Variants in EDEM3 observed in about 807,000 individuals in gnomAD.
EDEM3 encodes ER degradation-enhancing alpha-mannosidase-like protein 3.
A neutral mutation model predicts 110.2 loss-of-function variants in EDEM3; 60 were observed. That is an observed-to-expected ratio of 0.54 (90% CI 0.44 to 0.67). The LOEUF (loss-of-function observed/expected upper bound fraction) is 0.67. Ranked by LOEUF, EDEM3 falls within the 30% of genes least tolerant of loss-of-function variation. The pLI, the probability that EDEM3 is intolerant of heterozygous loss-of-function variation, is 0.00. For synonymous variants in EDEM3, 352 were observed against 382.9 expected, an observed-to-expected ratio of 0.92 and a Z score of 0.94; for missense variants, 996 against 1,121.0, an observed-to-expected ratio of 0.89 and a Z score of 1.59.
chr1:184,742,028 C>G (rs1289827525), intron 2 of EDEM3, among the ~76,000 whole-genome samples: 1 of 152,030 alleles, frequency 6.6e-6, no homozygotes, highest in African/African-American at 2.4e-5. Flanking sequence ...AAAAAAACTC[C>G]CAATTCCATG....
chr1:184,736,216 T>C lies in EDEM3; in HGVS notation c.345+809A>G, dbSNP rs143062351. 2.9e-3 allele frequency among the ~76,000 whole-genome samples: 435 copies of C among 152,184 alleles called. 5 individuals carry two copies. The East Asian group carries it at 0.036, about 12-fold the overall frequency. ...TTTTTTTAAATCACAAGTGAACCTC[T>C]TAAGCTGCTTTTAGAGTTGAGAATT... On this transcript the variant is annotated intron_variant, in intron 4 of 19. Transcript: ENST00000318130.
chr1:184,704,005 G>A (rs1649773839), intron 18 of EDEM3, among the ~76,000 whole-genome samples: 2 of 152,192 alleles, frequency 1.3e-5, no homozygotes, highest in South Asian at 4.1e-4. Flanking sequence ...GAAAAGTTCA[G>A]AAGGACCCAG....
In EDEM3 at chr1:184,735,130, T is replaced by C. The variant is rs1028784370; in HGVS notation, c.346-487A>G. On this transcript the variant is annotated intron_variant, in intron 4 of 19. Coordinates refer to ENST00000318130, the MANE Select transcript of EDEM3 (RefSeq NM_025191.4). ...CCTGTTCACTAAGGAGGCTATACAA[T>C]GTTGTGGTCATACAATGTTGTGGTC... 3.7e-4 allele frequency among the ~76,000 whole-genome samples: 56 copies of C among 152,188 alleles called. 2 individuals are homozygous for C. The highest frequency in any genetic ancestry group is 1.5e-5 in the Non-Finnish European group (1 of 68,028).
chr1:184,728,319 G>A (rs951332799), intron 6 of EDEM3, among the ~76,000 whole-genome samples: 20 of 152,210 alleles, frequency 1.3e-4, no homozygotes, highest in African/African-American at 4.6e-4. Context: ...GAGTAGTTGA[G>A]AGCTAAGAAT....
chr1:184,724,733 T>C (rs1236999724), intron 7 of EDEM3, among the ~76,000 whole-genome samples: 1 of 152,186 alleles, frequency 6.6e-6, no homozygotes. Flanking sequence ...ATAATTTTAA[T>C]TAAATGGCAG....
rs1326242728 is a variant in EDEM3, at chr1:184,754,547, T to G, written c.100A>C (p.Thr34Pro). 4.3e-6 allele frequency: 7 copies of G among 1,612,452 alleles called. No individual in the cohort carries two copies. Among genetic ancestry groups the G allele is most frequent in the Non-Finnish European group, 5.9e-6 (7 of 1,179,758 alleles). Residue 34 changes from threonine to proline, a missense_variant, in exon 1 of 20, where the codon ACC (threonine) becomes CCC (proline). Around this residue, in one of 5 missense-constraint regions of EDEM3, gnomAD observed 200 missense variants for 183.8 expected, o/e 1.09. Coordinates refer to ENST00000318130, the MANE Select transcript of EDEM3 (RefSeq NM_025191.4). The part of the protein sequence containing the change: ...ATAAFCLVSA[T>P]SVWTAGAEPM... ...TCGGCCCCCGCCGTCCACACGGAGG[T>G]GGCCGACACCAGGCAGAACGCGGCC... is the stretch of plus-strand genomic sequence containing the variant.
In EDEM3 at chr1:184,694,231, A is replaced by G. The variant is rs757577561; in HGVS notation, c.2631T>C (p.Asn877=). ...PTENHETTNL[N]GECTDLDNQL... ...GGTTATCTAAATCTGTACATTCACC[A>G]TTAAGATTTGTAGTCTCATGGTTTT... Residue 877 remains asparagine (N), a synonymous_variant, in exon 20 of 20, where the codon AAT becomes AAC. Coordinates refer to ENST00000318130, the MANE Select transcript of EDEM3 (RefSeq NM_025191.4). 25 of 1,613,290 alleles carry G rather than the reference A, an allele frequency of 1.5e-5. 2 individuals carry two copies. Among genetic ancestry groups the G allele is most frequent in the South Asian group, 5.5e-5 (5 of 91,062 alleles).
intron 7 of EDEM3, among the ~76,000 whole-genome samples, 169 bp from the exon 8 acceptor site, chr1:184,724,025 G>A (rs1004674077): frequency 3.3e-5 from 5 of 151,878 alleles, no homozygotes; most frequent in Non-Finnish European, 7.4e-5. Context: ...AAAACTCAAA[G>A]CTTGGCTCTT....
chr1:184,726,265 G>A lies in EDEM3; in HGVS notation c.737C>T (p.Thr246Ile), dbSNP rs772134316. 2.6e-5 allele frequency: 42 copies of A among 1,613,350 alleles called. No homozygotes were observed. In the East Asian group the frequency reaches 7.8e-4, roughly 30 times the overall value. ...CCGTAAAAAGCAAACCTCAAATATTGTTGCTCCTGTGAATCGACTTAAAGC... is the reference window on the plus strand; with the variant it reads ...CCGTAAAAAGCAAACCTCAAATATTATTGCTCCTGTGAATCGACTTAAAGC... ...FAALSRFTGA[T>I]IFEEYARKAL... Residue 246 changes from threonine (T) to isoleucine (I), a missense_variant, in exon 7 of 20, where the codon ACA becomes ATA. Coordinates refer to ENST00000318130, the MANE Select transcript of EDEM3 (RefSeq NM_025191.4).
chr1:184,727,619 C>A (rs1447805538), intron 6 of EDEM3, among the ~76,000 whole-genome samples: 2 of 152,062 alleles, frequency 1.3e-5, no homozygotes, highest in African/African-American at 4.8e-5. Context: ...CCCTCAACAA[C>A]AACAAAAAAA....
In EDEM3 at chr1:184,742,204, G is replaced by A. The variant is rs187787463; in HGVS notation, c.205-4493C>T. Among the ~76,000 whole-genome samples the A allele has an allele frequency of 6.2e-3, 946 of 152,236 alleles. 11 individuals carry two copies. The highest frequency in any genetic ancestry group is 0.027 in the Middle Eastern group (8 of 294). ...GAAATAACTTTCAAAGCAGGTTAAA[G>A]AATACTTTGCATTGAAGATGGCAAC... On this transcript the variant is annotated intron_variant, in intron 2 of 19. Coordinates refer to ENST00000318130, the MANE Select transcript of EDEM3 (RefSeq NM_025191.4).
intron 11 of EDEM3, 26 bp downstream of exon 11, chr1:184,719,136 G>T: frequency 7.1e-7 from 1 of 1,400,994 alleles, no homozygotes. Context: ...GTGTGTGTAA[G>T]ATTATTCCAA....
intron 11 of EDEM3, 38 bp downstream of exon 11, chr1:184,719,124 G>T (rs1041155690): frequency 2.6e-6 from 3 of 1,171,604 alleles, no homozygotes; most frequent in Non-Finnish European, 2.4e-6. Flanking sequence ...GTGTGTGTTT[G>T]TGTGTGTGTA....
At chr1:184,752,958 T>C (rs973280058) in intron 1 of EDEM3, among the ~76,000 whole-genome samples, 4 of 152,228 alleles carry the variant, frequency 2.6e-5, no homozygotes, top group African/African-American at 9.6e-5. Flanking sequence ...GTAAAACTTA[T>C]CAATGATACA....
Position 184,729,357 on chromosome 1 carries a change from C to T in EDEM3, c.613-2968G>A, listed in dbSNP as rs150170321. Among the ~76,000 whole-genome samples, 1,487 of 152,106 alleles carry T rather than the reference C, an allele frequency of 9.8e-3. 11 individuals carry two copies. The highest frequency in any genetic ancestry group is 0.026 in the South Asian group (126 of 4,820). On this transcript the variant is annotated intron_variant, in intron 6 of 19. Transcript: ENST00000318130. ...TGTCTTTTTGCTACACTAGAAAATC[C>T]TTAAAATATGTATAAATCATAATAG...
chr1:184,726,063 T>G (rs1651173525), intron 7 of EDEM3, among the ~76,000 whole-genome samples, 192 bp downstream of exon 7: 1 of 152,168 alleles, frequency 6.6e-6, no homozygotes, highest in Non-Finnish European at 1.5e-5. Context: ...AAATGCAAAG[T>G]TGGATTTAAC....
rs1650243779 is a variant in EDEM3, at chr1:184,711,719, T to C, written c.1691+4A>G. 1.3e-6 allele frequency: 2 copies of C among 1,591,982 alleles called. No homozygotes were observed. The highest frequency in any genetic ancestry group is 1.8e-5 in the Admixed American group (1 of 54,934). On this transcript the variant is annotated splice_donor_region_variant and intron_variant, in intron 15 of 19. Coordinates refer to ENST00000318130, the MANE Select transcript of EDEM3 (RefSeq NM_025191.4). ...ATTAGAAAATATAAAATAATACATC[T>C]TACACTCTGATGATGCCTCTAGGAC...
chr1:184,696,621 CCA>C (rs1649346395), intron 19 of EDEM3, among the ~76,000 whole-genome samples: 1 of 151,694 alleles, frequency 6.6e-6, no homozygotes, highest in Non-Finnish European at 1.5e-5. Flanking sequence ...TTGAGGAATT[CCA>C]CACAATCTCT....
intron 17 of EDEM3, 47 bp from the exon 18 acceptor site, chr1:184,706,855 C>T (rs765627068): frequency 5.7e-6 from 9 of 1,580,598 alleles, no homozygotes; most frequent in Non-Finnish European, 7.8e-6. Flanking sequence ...TCTCAAATGG[C>T]AATCAAGTCA....
Sources: gnomAD v4.1 joint callset for allele counts (sites outside exome capture counted in the v4.1 genomes callset) on GRCh38, gnomAD v4.1.1 for gene constraint, gnomAD v4.1.1 regional missense constraint, MANE v1.5 for transcripts, NCBI Gene and HGNC (gene_info 2026-07-23, HGNC 2026-07-21) for gene names.